GNG2: variants seen among roughly 807,000 people sequenced by gnomAD.
GNG2 encodes G protein subunit gamma 2, also known as guanine nucleotide-binding protein G(I)/G(S)/G(O) subunit gamma-2.
In GNG2, 5 loss-of-function variants were observed where a neutral mutation model predicts 5.5. The observed-to-expected ratio is 0.91, with a 90% CI of 0.48 to 1.92. GNG2 has a LOEUF of 1.92. GNG2 is among the 30% of genes most tolerant of loss of function. GNG2 has a pLI of 0.01. For synonymous variants in GNG2, 28 were observed against 32.0 expected (o/e 0.88, Z 0.42); for missense variants, 55 against 88.4 (o/e 0.62, Z 1.52).
At chr14:51,897,428 A>T (rs2140172518) in intron 2 of GNG2, among the ~76,000 whole-genome samples, 1 of 152,334 alleles carries the variant, frequency 6.6e-6, no homozygotes. Context: ...TGGGGGCATC[A>T]TGGGAGTAAA....
At chr14:51,955,289 A>C (rs1458991509) in intron 3 of GNG2, among the ~76,000 whole-genome samples, 2 of 152,134 alleles carry the variant, frequency 1.3e-5, no homozygotes, top group African/African-American at 2.4e-5. Context: ...CTGACTGAGA[A>C]TACCCTTCCC....
intron 2 of GNG2, among the ~76,000 whole-genome samples, chr14:51,842,472 CA>C (rs1298608849): frequency 1.3e-5 from 2 of 152,272 alleles, no homozygotes; most frequent in East Asian, 3.9e-4. Flanking sequence ...CAGGGCTCCG[CA>C]CACGCAAACG....
intron 2 of GNG2, among the ~76,000 whole-genome samples, chr14:51,931,563 G>C (rs1887659320): frequency 6.6e-6 from 1 of 151,978 alleles, no homozygotes; most frequent in Non-Finnish European, 1.5e-5. Context: ...AGGTGGGTGA[G>C]TGTCAACATA....
intron 2 of GNG2, among the ~76,000 whole-genome samples, chr14:51,941,577 A>G (rs570456472): frequency 6.6e-6 from 1 of 152,314 alleles, no homozygotes; most frequent in African/African-American, 2.4e-5. Context: ...GAAAAACACC[A>G]TTGAAGTATG....
At chr14:51,882,647 A>T (rs557945108) in intron 2 of GNG2, among the ~76,000 whole-genome samples, 6 of 152,356 alleles carry the variant, frequency 3.9e-5, no homozygotes, top group African/African-American at 1.4e-4. Context: ...TTAAAAATTT[A>T]AAATACTGGA....
At chr14:51,837,160 G>A (rs1469432884) in intron 2 of GNG2, among the ~76,000 whole-genome samples, 2 of 151,818 alleles carry the variant, frequency 1.3e-5, no homozygotes, top group Non-Finnish European at 2.9e-5. Flanking sequence ...CACCCGGCCT[G>A]ATCTCAACTT....
intron 2 of GNG2, among the ~76,000 whole-genome samples, chr14:51,905,058 T>C (rs1021384538): frequency 6.6e-6 from 1 of 152,226 alleles, no homozygotes; most frequent in African/African-American, 2.4e-5. Flanking sequence ...AGTTTCTTGT[T>C]ATGTGAGTGT....
chr14:51,927,544 G>A (rs1280976604), intron 2 of GNG2, among the ~76,000 whole-genome samples: 4 of 152,130 alleles, frequency 2.6e-5, no homozygotes, highest in Non-Finnish European at 5.9e-5. Context: ...TCCTATCTTA[G>A]TACAAATCAC....
intron 3 of GNG2, among the ~76,000 whole-genome samples, chr14:51,963,571 G>C (rs1889735754): frequency 6.6e-6 from 1 of 152,158 alleles, no homozygotes; most frequent in Non-Finnish European, 1.5e-5. Context: ...ACATAAACAG[G>C]CTGTTTCCTT....
At chr14:51,873,606 C>T (rs1338201908) in intron 1 of GNG2, among the ~76,000 whole-genome samples, 1 of 152,194 alleles carries the variant, frequency 6.6e-6, no homozygotes, top group Non-Finnish European at 1.5e-5. Flanking sequence ...GATCATTTGG[C>T]ATTCTCTTGG....
intron 3 of GNG2, among the ~76,000 whole-genome samples, chr14:51,954,559 G>T (rs1253635): frequency 0.98 from 149,878 of 152,298 alleles, 73,772 homozygotes; most frequent in African/African-American, 0.99. Context: ...CAAGCTAGCT[G>T]AAGCAGAAAG....
chr14:51,843,827 G>A (rs1881551324), intron 2 of GNG2, among the ~76,000 whole-genome samples: 1 of 152,188 alleles, frequency 6.6e-6, no homozygotes, highest in East Asian at 1.9e-4. Flanking sequence ...ACACAGCCTG[G>A]CCTTTTGGTC....
Position 51,968,514 on chromosome 14 carries a change from G to A in GNG2, c.*1827G>A, listed in dbSNP as rs1890048833. The A allele has an allele frequency of 1.3e-5, 2 of 152,130 alleles. No homozygotes were observed. The highest frequency in any genetic ancestry group is 2.4e-5 in the African/African-American group (1 of 41,392). 9.4% of individuals were successfully genotyped at this position (152,130 alleles called of 1,614,324 possible). A position where few individuals can be genotyped will look rare whatever the true frequency, so the allele number is the denominator to read the frequency against. On this transcript the variant is annotated 3_prime_UTR_variant, in exon 4 of 4. Coordinates refer to ENST00000556766, the MANE Select transcript of GNG2 (RefSeq NM_053064.5). The stretch of plus-strand genomic sequence containing the variant: ...TCCAATTAAAGCTCATGCTGGGGTC[G>A]GGGAGAAGAGGATACTGAAACATTT...
Position 51,945,278 on chromosome 14 carries a change from A to T in GNG2, c.-29-5372A>T, listed in dbSNP as rs73297014. On this transcript the variant is annotated intron_variant, in intron 2 of 3. Transcript: ENST00000556766. ...GTCATAGTAGCTAAAACATGGAACC[A>T]ACCAAAGTGTTCATCAAGAGGTGAA... is the stretch of plus-strand genomic sequence containing the variant. 4.9e-3 allele frequency among the ~76,000 whole-genome samples: 752 copies of T among 152,320 alleles called. 7 individuals are homozygous for T. Among genetic ancestry groups the T allele is most frequent in the African/African-American group, 0.017 (722 of 41,582 alleles).
chr14:51,840,319 G>A (rs187554151), intron 2 of GNG2, among the ~76,000 whole-genome samples: 1 of 152,180 alleles, frequency 6.6e-6, no homozygotes, highest in East Asian at 1.9e-4. Flanking sequence ...GCATCTTTCT[G>A]TCAATCATGT....
At chr14:51,828,874 C>T (rs1353244892) in intron 2 of GNG2, among the ~76,000 whole-genome samples, 1 of 152,186 alleles carries the variant, frequency 6.6e-6, no homozygotes, top group Non-Finnish European at 1.5e-5. Context: ...CTTAGCCCCA[C>T]TACCTCCCCG....
At chr14:51,856,887 T>C (rs187239654), upstream of GNG2, among the ~76,000 whole-genome samples, 1 of 152,344 alleles carries the variant, frequency 6.6e-6, no homozygotes, top group Non-Finnish European at 1.5e-5. Context: ...TGGATTTCTA[T>C]AGAAAATTTG....
chr14:51,846,852 G>A (rs1304052442), intron 2 of GNG2, among the ~76,000 whole-genome samples: 1 of 152,224 alleles, frequency 6.6e-6, no homozygotes, highest in African/African-American at 2.4e-5. Flanking sequence ...TTGTGTGAGA[G>A]AAGAAAGCTT....
chr14:51,912,693 G>A (rs533682949), intron 2 of GNG2, among the ~76,000 whole-genome samples: 1 of 152,332 alleles, frequency 6.6e-6, no homozygotes, highest in Non-Finnish European at 1.5e-5. Flanking sequence ...AAGGTTACCA[G>A]CCTGGATGCT....
Sources: allele counts gnomAD v4.1 joint callset (sites outside exome capture counted in the v4.1 genomes callset), GRCh38; gene constraint gnomAD v4.1.1; transcripts MANE v1.5; gene names NCBI Gene and HGNC (gene_info 2026-07-23, HGNC 2026-07-21).